RXRA: variants seen among roughly 807,000 people sequenced by gnomAD.
The protein encoded by RXRA is retinoic acid receptor RXR-alpha.
Under a neutral mutation model 44.5 loss-of-function variants are expected in RXRA, and 5 were observed. That is an observed-to-expected ratio of 0.11 (90% CI 0.06 to 0.24). The LOEUF is 0.24. Among genes scored for constraint, RXRA ranks in the 10% least tolerant of loss-of-function variants. The pLI is 1.00. For synonymous variants in RXRA, 291 were observed against 271.4 expected (o/e 1.07, Z -0.71); for missense variants, 412 against 646.5 (o/e 0.64, Z 3.93).
At chr9:134,424,788 C>A (rs1241737964) in intron 6 of RXRA, 1 of 985,472 alleles carries the variant, frequency 1.0e-6, no homozygotes. Flanking sequence ...ACTCTGTCCC[C>A]CTCCAGGGGG....
At chr9:134,330,534 TC>T (rs1428785438) in intron 1 of RXRA, among the ~76,000 whole-genome samples, 1 of 152,130 alleles carries the variant, frequency 6.6e-6, no homozygotes, top group Non-Finnish European at 1.5e-5. Flanking sequence ...GGGGTCACCC[TC>T]CTCCCCCCTG....
rs990353055 is a variant in RXRA, at chr9:134,439,515, C to G, written c.*2901C>G. ...GGAAGCACACGGCCTCTGGGAAGGA[C>G]AGCCCTGACCTTCGGTTTTCCGAGC... On this transcript the variant is annotated 3_prime_UTR_variant, in exon 10 of 10. Coordinates refer to ENST00000481739, the MANE Select transcript of RXRA (RefSeq NM_002957.6). 1.3e-5 allele frequency: 2 copies of G among 152,332 alleles called. No individual in the cohort carries two copies. The highest frequency in any genetic ancestry group is 4.8e-5 in the African/African-American group (2 of 41,480). The allele number at this position is 152,332 out of a possible 1,614,324, so 9.4% of individuals were successfully genotyped here.
rs553507971 is a variant in RXRA at position 134,328,433 on chromosome 9, G to A, written c.28+1774G>A. Among the ~76,000 whole-genome samples the A allele has an allele frequency of 7.9e-5, 12 of 152,116 alleles. No homozygotes were observed. The East Asian group carries it at 1.8e-3, about 22-fold the overall frequency. ...TGTGAGGAGGAGAGGTCGTGCCTCCGAGCCACTGCCCCAGGGATCTCCCTG... is the reference window on the plus strand; with the variant it reads ...TGTGAGGAGGAGAGGTCGTGCCTCCAAGCCACTGCCCCAGGGATCTCCCTG... On this transcript the variant is annotated intron_variant, in intron 1 of 9. Transcript: ENST00000481739.
chr9:134,421,945 T>G (rs1588303075), intron 6 of RXRA, 140 bp downstream of exon 6: 6 of 1,455,198 alleles, frequency 4.1e-6, no homozygotes, highest in East Asian at 2.8e-5. Context: ...GACCCACTCC[T>G]ACCTCCCGGG....
In RXRA at chr9:134,417,348, G is replaced by T. The variant is rs774911045; in HGVS notation, c.780+21G>T. 1 of 1,608,498 alleles carries T rather than the reference G, an allele frequency of 6.2e-7. No homozygotes were observed. Among genetic ancestry groups the T allele is most frequent in the Non-Finnish European group, 8.5e-7 (1 of 1,176,218 alleles). ...GCTCGGTGAGTTGCAGCCTGTGCAGGGGTGGGCAGCCTCACATGCCTCAGT... is the reference window on the plus strand; with the variant it reads ...GCTCGGTGAGTTGCAGCCTGTGCAGTGGTGGGCAGCCTCACATGCCTCAGT... On this transcript the variant is annotated intron_variant, in intron 5 of 9. Coordinates refer to ENST00000481739, the MANE Select transcript of RXRA (RefSeq NM_002957.6). The surrounding 1 kb of genome is among the most constrained non-coding windows in gnomAD (Gnocchi z 6.1).
chr9:134,373,284 C>T (rs1330288903), intron 1 of RXRA, among the ~76,000 whole-genome samples: 2 of 150,922 alleles, frequency 1.3e-5, no homozygotes, highest in African/African-American at 2.4e-5. Context: ...ACAGGAAGGG[C>T]ATGGCCACCG....
chr9:134,377,067 C>G (rs986751323), intron 1 of RXRA, among the ~76,000 whole-genome samples: 5 of 152,218 alleles, frequency 3.3e-5, no homozygotes, highest in Admixed American at 6.5e-5. Context: ...AGGGGCCGAC[C>G]CTGTGAGGGG....
intron 1 of RXRA, among the ~76,000 whole-genome samples, chr9:134,376,473 C>T (rs571615223): frequency 4.7e-4 from 71 of 152,334 alleles, no homozygotes; most frequent in African/African-American, 1.6e-3. Context: ...ACCGTTTCTT[C>T]TCTCTCCTCC....
chr9:134,408,763 C>T (rs554143381), intron 3 of RXRA, among the ~76,000 whole-genome samples, 177 bp from the exon 4 acceptor site: 54 of 152,342 alleles, frequency 3.5e-4, no homozygotes, highest in Admixed American at 1.6e-3. Flanking sequence ...AAGCTGTCCT[C>T]GGAGGAGCAG....
At chr9:134,429,933 T>C (rs926192722) in intron 7 of RXRA, among the ~76,000 whole-genome samples, 2 of 152,056 alleles carry the variant, frequency 1.3e-5, no homozygotes, top group East Asian at 1.9e-4. Flanking sequence ...TCGCCCAGGC[T>C]AGATTGCAGT....
At chr9:134,381,096 C>T (rs1156823267) in intron 1 of RXRA, among the ~76,000 whole-genome samples, 1 of 152,208 alleles carries the variant, frequency 6.6e-6, no homozygotes, top group African/African-American at 2.4e-5. Context: ...GCCCCAGTTG[C>T]TGCTGTCAGA....
At chr9:134,420,407 G>C (rs1292207819) in intron 5 of RXRA, among the ~76,000 whole-genome samples, 2 of 152,192 alleles carry the variant, frequency 1.3e-5, no homozygotes, top group Admixed American at 6.5e-5. Context: ...GAGTGAGTCT[G>C]TGTAGACTGT....
intron 4 of RXRA, among the ~76,000 whole-genome samples, chr9:134,409,914 T>G (rs1455243259): frequency 2.9e-4 from 44 of 152,182 alleles, no homozygotes; most frequent in Admixed American, 2.9e-3. Context: ...CAGGACACCC[T>G]TCCTCTGTCC....
intron 1 of RXRA, among the ~76,000 whole-genome samples, chr9:134,352,756 C>T (rs138888895): frequency 8.5e-5 from 13 of 152,276 alleles, no homozygotes; most frequent in East Asian, 1.9e-4. Context: ...CCACAGCTGA[C>T]GGCTCGCATG....
At chr9:134,427,155 T>C (rs1831447463) in intron 6 of RXRA, 1 of 984,516 alleles carries the variant, frequency 1.0e-6, no homozygotes. Flanking sequence ...CTACAGATGT[T>C]TCATTGGGCA....
intron 6 of RXRA, chr9:134,424,226 C>T (rs760824133): frequency 6.5e-5 from 64 of 985,268 alleles, no homozygotes; most frequent in Non-Finnish European, 7.2e-5. Context: ...GGGGGCTCCC[C>T]GCAAGGCCCT....
chr9:134,430,692 C>T (rs979964584), intron 7 of RXRA, among the ~76,000 whole-genome samples: 1 of 152,214 alleles, frequency 6.6e-6, no homozygotes, highest in Admixed American at 6.5e-5. Flanking sequence ...CCCACAGAAG[C>T]TTCTTTAGAG....
At chr9:134,412,863 C>G (rs1298321145) in intron 4 of RXRA, among the ~76,000 whole-genome samples, 1 of 152,218 alleles carries the variant, frequency 6.6e-6, no homozygotes, top group Non-Finnish European at 1.5e-5. Context: ...GTCCCCCATT[C>G]TGCTTCCTCC....
intron 1 of RXRA, among the ~76,000 whole-genome samples, chr9:134,380,362 C>T (rs536248921): frequency 6.6e-6 from 1 of 152,016 alleles, no homozygotes; most frequent in African/African-American, 2.4e-5. Context: ...GAACCTGGGT[C>T]AGGAGCCAGG....
Sources: gnomAD v4.1 joint callset for allele counts (sites outside exome capture counted in the v4.1 genomes callset) on GRCh38, gnomAD v4.1.1 for gene constraint, Gnocchi (gnomAD v3.1) non-coding constraint, MANE v1.5 for transcripts, NCBI Gene and HGNC (gene_info 2026-07-23, HGNC 2026-07-21) for gene names.